The following EPC1 variants were observed in gnomAD, a reference collection of about 807,000 sequenced individuals.
EPC1 encodes enhancer of polycomb 1.
A neutral mutation model predicts 98.4 loss-of-function variants in EPC1; 12 were observed. That is an observed-to-expected ratio of 0.12 (90% CI 0.08 to 0.20). The LOEUF (loss-of-function observed/expected upper bound fraction) is 0.20. Ranked by LOEUF, EPC1 falls within the 10% of genes least tolerant of loss-of-function variation. The pLI is 1.00. For synonymous variants in EPC1, 357 were observed against 363.9 expected, an observed-to-expected ratio of 0.98 and a Z score of 0.21; for missense variants, 729 against 990.5, an observed-to-expected ratio of 0.74 and a Z score of 3.54.
At chr10:32,328,598 A>C (rs1385064559) in intron 1 of EPC1, among the ~76,000 whole-genome samples, 1 of 152,208 alleles carries the variant, frequency 6.6e-6, no homozygotes, top group Non-Finnish European at 1.5e-5. Flanking sequence ...AGGAGGAATC[A>C]ATCTCCTAGA....
Position 32,284,944 on chromosome 10 carries a change from T to A in EPC1, c.1498A>T (p.Thr500Ser). The A allele has an allele frequency of 6.2e-7, 1 of 1,614,162 alleles. No homozygotes were observed. Among genetic ancestry groups the A allele is most frequent in the Non-Finnish European group, 8.5e-7 (1 of 1,180,028 alleles). Reference protein sequence around the residue: ...QHSPVNQFANTSETNTSDKSF... With the variant: ...QHSPVNQFANSSETNTSDKSF... ...TTGTCCGAGGTATTTGTTTCTGAGG[T>A]ATTGGCAAACTGATTGACTGGAGAA... Residue 500 changes from threonine to serine, a missense_variant, in exon 10 of 14, where the codon ACC becomes TCC. By Grantham distance (58) the Thr-to-Ser change is moderately conservative. Around this residue, in one of 6 missense-constraint regions of EPC1, gnomAD observed 390 missense variants for 438.6 expected, o/e 0.89. Transcript: ENST00000319778.
chr10:32,322,166 T>G (rs573261441), intron 1 of EPC1, among the ~76,000 whole-genome samples: 41 of 151,162 alleles, frequency 2.7e-4, no homozygotes, highest in African/African-American at 8.8e-4. Context: ...TAATCACGCA[T>G]TAGCCTTACA....
chr10:32,298,903 T>C (rs2479360), intron 2 of EPC1, among the ~76,000 whole-genome samples: 105,776 of 152,010 alleles, frequency 0.7, 36,892 homozygotes, highest in Middle Eastern at 0.77. Flanking sequence ...ACAGGATATC[T>C]GTTCTGAGAG....
intron 1 of EPC1, among the ~76,000 whole-genome samples, chr10:32,358,660 G>A (rs116967898): frequency 6.6e-6 from 1 of 150,662 alleles, no homozygotes; most frequent in African/African-American, 2.4e-5. Context: ...GGGGGCGGGG[G>A]GGGAAGAAAG....
intron 1 of EPC1, among the ~76,000 whole-genome samples, chr10:32,332,078 C>T (rs944007198): frequency 2.0e-5 from 3 of 152,178 alleles, no homozygotes; most frequent in Admixed American, 2.0e-4. Context: ...ATTCAAGAAA[C>T]ACTTGTGCTA....
chr10:32,297,824 G>A (rs1835259599), intron 2 of EPC1, among the ~76,000 whole-genome samples: 1 of 151,598 alleles, frequency 6.6e-6, no homozygotes. Context: ...TTGAGACAGA[G>A]TCTCGCTCTG....
rs139196597 is a variant in EPC1 at position 32,285,324 on chromosome 10, A to T, written c.1392-274T>A. ...TTTATAAAATGTTGCGAACACATTT[A>T]TTCTATATTTAAGCAAAAACTTCAT... On this transcript the variant is annotated intron_variant, in intron 9 of 13. Coordinates refer to ENST00000319778, the MANE Select transcript of EPC1 (RefSeq NM_001272004.3). 5.1e-4 allele frequency: 173 copies of T among 337,628 alleles called. 3 individuals carry two copies. The East Asian group carries it at 9.5e-3, about 19-fold the overall frequency. The allele number at this position is 337,628 out of a possible 1,614,324, so 20.9% of individuals were successfully genotyped here.
chr10:32,349,350 T>G (rs1839043238), upstream of EPC1, among the ~76,000 whole-genome samples: 1 of 152,168 alleles, frequency 6.6e-6, no homozygotes. Flanking sequence ...ACAAAAAAAT[T>G]TCTTATTCTC....
chr10:32,318,497 AATCTT>A (rs1836687536), intron 1 of EPC1, among the ~76,000 whole-genome samples: 1 of 152,142 alleles, frequency 6.6e-6, no homozygotes, highest in Non-Finnish European at 1.5e-5. Flanking sequence ...GATTATTCTA[AATCTT>A]AACTTCTAGC....
intron 1 of EPC1, among the ~76,000 whole-genome samples, chr10:32,368,001 C>T (rs1259655869): frequency 2.0e-5 from 3 of 152,164 alleles, no homozygotes; most frequent in Non-Finnish European, 4.4e-5. Flanking sequence ...CCTTATGCTG[C>T]CCCCTGCTGT....
chr10:32,339,543 C>T (rs1277606670), intron 1 of EPC1, among the ~76,000 whole-genome samples: 4 of 151,996 alleles, frequency 2.6e-5, no homozygotes, highest in Non-Finnish European at 2.9e-5. Flanking sequence ...AACTCTCTCT[C>T]AATAGTAATA....
chr10:32,272,130 T>A lies in EPC1; in HGVS notation c.1901A>T (p.Gln634Leu). 6.2e-7 allele frequency: 1 copy of A among 1,613,454 alleles called. No homozygotes were observed. The highest frequency in any genetic ancestry group is 8.5e-7 in the Non-Finnish European group (1 of 1,179,858). Residue 634 changes from glutamine (Q) to leucine (L), a missense_variant, in exon 12 of 14, where the codon CAG (glutamine) becomes CTG (leucine). By Grantham distance (113) the Gln-to-Leu change is moderately radical. Transcript: ENST00000319778. ...TGTCACCAAAGCAGAAGCAGCAAAC[T>A]GTGCACTAGCAGAATCCAAAGTCTT... is the stretch of plus-strand genomic sequence containing the variant. The part of the protein sequence containing the change: ...VSKTLDSASA[Q>L]FAASALVTSE...
At position 32,284,975 on chromosome 10, in the gene EPC1, T is replaced by C. The variant is rs778264212; in HGVS notation, c.1467A>G (p.Pro489=). 6.2e-7 allele frequency: 1 copy of C among 1,614,206 alleles called. No homozygotes were observed. The highest frequency in any genetic ancestry group is 1.1e-5 in the South Asian group (1 of 91,086). The change falls in exon 10 of 14, where the codon CCA becomes CCG. Residue 489 remains proline, a synonymous_variant. Coordinates refer to ENST00000319778, the MANE Select transcript of EPC1 (RefSeq NM_001272004.3). ...CAAACTGATTGACTGGAGAATGTTG[T>C]GGTGAGGAAAGCATTTCCAAATCCA... ...HHLDLEMLSS[P]QHSPVNQFAN...
At position 32,317,311 on chromosome 10, in the gene EPC1, T is replaced by C. The variant is rs949884079; in HGVS notation, c.154-11380A>G. ...TACCAGTTATTTAAGGTCCACAAAC[T>C]ATTACCATTTGGAATAGATTTCATA... On this transcript the variant is annotated intron_variant, in intron 1 of 13. Coordinates refer to ENST00000319778, the MANE Select transcript of EPC1 (RefSeq NM_001272004.3). Among the ~76,000 whole-genome samples, 6 of 152,270 alleles carry C rather than the reference T, an allele frequency of 3.9e-5. No individual in the cohort carries two copies. The South Asian group carries it at 1.2e-3, about 32-fold the overall frequency.
intron 10 of EPC1, among the ~76,000 whole-genome samples, chr10:32,275,641 G>T (rs1224042339): frequency 6.6e-6 from 1 of 152,050 alleles, no homozygotes; most frequent in Non-Finnish European, 1.5e-5. Flanking sequence ...CGGGCGTGGT[G>T]GCACGTGCCT....
chr10:32,345,974 G>T (rs1413032420), intron 1 of EPC1, among the ~76,000 whole-genome samples: 1 of 152,156 alleles, frequency 6.6e-6, no homozygotes, highest in Non-Finnish European at 1.5e-5. Flanking sequence ...AAACAAATCT[G>T]CAAGATATTC....
At chr10:32,365,813 G>A (rs1484723953) in intron 1 of EPC1, among the ~76,000 whole-genome samples, 3 of 71,932 alleles carry the variant, frequency 4.2e-5, no homozygotes, top group South Asian at 6.4e-4. Flanking sequence ...AGAGAGCTCC[G>A]TCTCACAAAA....
chr10:32,311,204 T>C (rs1271444097), intron 1 of EPC1, among the ~76,000 whole-genome samples: 1 of 151,306 alleles, frequency 6.6e-6, no homozygotes, highest in Non-Finnish European at 1.5e-5. Flanking sequence ...TCCCAGCTAC[T>C]AGGGAGGCTG....
At chr10:32,318,132 A>T (rs1333629645) in intron 1 of EPC1, among the ~76,000 whole-genome samples, 1 of 152,196 alleles carries the variant, frequency 6.6e-6, no homozygotes, top group Admixed American at 6.5e-5. Context: ...AAGGGAATAA[A>T]ATTAGAGTCT....
Sources: gnomAD v4.1 joint callset for allele counts (sites outside exome capture counted in the v4.1 genomes callset) on GRCh38, gnomAD v4.1.1 for gene constraint, gnomAD v4.1.1 regional missense constraint, MANE v1.5 for transcripts, NCBI Gene and HGNC (gene_info 2026-07-23, HGNC 2026-07-21) for gene names.